Variants in PTPRT observed in about 807,000 individuals in gnomAD.
PTPRT encodes receptor-type tyrosine-protein phosphatase T.
A neutral mutation model predicts 176.8 loss-of-function variants in PTPRT; 56 were observed. That is an observed-to-expected ratio of 0.32 (90% CI 0.26 to 0.40). PTPRT has a LOEUF of 0.40. Among genes scored for constraint, PTPRT ranks in the 10% least tolerant of loss-of-function variants. PTPRT has a pLI of 1.00. For synonymous variants in PTPRT, 783 were observed against 739.0 expected, an observed-to-expected ratio of 1.06 and a Z score of -0.96; for missense variants, 1,540 against 1,908.2, an observed-to-expected ratio of 0.81 and a Z score of 3.60.
intron 16 of PTPRT, among the ~76,000 whole-genome samples, chr20:42,188,307 G>T (rs897142549): frequency 6.6e-6 from 1 of 152,110 alleles, no homozygotes. Flanking sequence ...AGAAATGGCT[G>T]GGGAGGAAGG....
intron 11 of PTPRT, among the ~76,000 whole-genome samples, chr20:42,323,063 C>T (rs369618075): frequency 2.2e-4 from 33 of 151,848 alleles, no homozygotes; most frequent in Non-Finnish European, 3.7e-4. Context: ...CAATGAGATA[C>T]CATCTCACAC....
intron 1 of PTPRT, among the ~76,000 whole-genome samples, chr20:43,033,905 C>T (rs751099112): frequency 6.6e-6 from 1 of 152,190 alleles, no homozygotes; most frequent in Admixed American, 6.5e-5. Flanking sequence ...CTAGAGCTCT[C>T]GCTCCTGACC....
At chr20:43,037,781 T>A (rs1390132632) in intron 1 of PTPRT, among the ~76,000 whole-genome samples, 1 of 152,170 alleles carries the variant, frequency 6.6e-6, no homozygotes, top group Non-Finnish European at 1.5e-5. Flanking sequence ...ATCTCCAGCT[T>A]CCTTGTTCCA....
intron 7 of PTPRT, among the ~76,000 whole-genome samples, chr20:42,669,226 T>G (rs2075372651): frequency 1.3e-5 from 2 of 152,164 alleles, no homozygotes; most frequent in East Asian, 3.9e-4. Flanking sequence ...ATAATCCATC[T>G]TCTGTGACTG....
intron 1 of PTPRT, among the ~76,000 whole-genome samples, chr20:43,070,994 C>T (rs1288414456): frequency 2.0e-5 from 3 of 149,026 alleles, no homozygotes; most frequent in Non-Finnish European, 4.5e-5. Context: ...AAAAGAACTG[C>T]CCTCAACCAA....
At chr20:42,218,848 A>G (rs1428010479) in intron 15 of PTPRT, among the ~76,000 whole-genome samples, 2 of 152,156 alleles carry the variant, frequency 1.3e-5, no homozygotes, top group Non-Finnish European at 2.9e-5. Flanking sequence ...TGATGAACTG[A>G]TCGGGATGTC....
intron 14 of PTPRT, among the ~76,000 whole-genome samples, chr20:42,238,187 C>T (rs187345568): frequency 5.3e-4 from 80 of 152,262 alleles, no homozygotes; most frequent in African/African-American, 1.7e-3. Flanking sequence ...ATGATAGAGG[C>T]GGGACATGAG....
intron 2 of PTPRT, among the ~76,000 whole-genome samples, chr20:42,851,301 A>G (rs2078465155): frequency 6.6e-6 from 1 of 152,294 alleles, no homozygotes; most frequent in Non-Finnish European, 1.5e-5. Context: ...GTATCTAAAG[A>G]TCCATGAAGA....
At chr20:42,094,185 G>A (rs1056658466) in intron 27 of PTPRT, among the ~76,000 whole-genome samples, 4 of 152,188 alleles carry the variant, frequency 2.6e-5, no homozygotes, top group Non-Finnish European at 4.4e-5. Flanking sequence ...AGAAAGGGAT[G>A]TTGAAAAAGA....
chr20:42,270,450 G>A (rs1044332813), intron 13 of PTPRT: 2 of 1,520,466 alleles, frequency 1.3e-6, no homozygotes, highest in Non-Finnish European at 1.8e-6. Flanking sequence ...GCTGCCCATT[G>A]GTGCTGACCA....
chr20:42,483,320 C>T (rs1031331624), intron 7 of PTPRT, among the ~76,000 whole-genome samples: 4 of 152,172 alleles, frequency 2.6e-5, no homozygotes, highest in South Asian at 2.1e-4. Flanking sequence ...CATGCCACCA[C>T]GCTCGACTAA....
At chr20:42,925,328 A>ATT (rs1161809233) in intron 1 of PTPRT, among the ~76,000 whole-genome samples, 1 of 152,182 alleles carries the variant, frequency 6.6e-6, no homozygotes, top group Non-Finnish European at 1.5e-5. Context: ...ATGAGGCTAA[A>ATT]AACAAAATTA....
intron 27 of PTPRT, among the ~76,000 whole-genome samples, chr20:42,097,041 C>A (rs146740079): frequency 6.6e-6 from 1 of 152,326 alleles, no homozygotes; most frequent in Non-Finnish European, 1.5e-5. Flanking sequence ...AATGAGACAG[C>A]AGTGTGGGTG....
intron 7 of PTPRT, among the ~76,000 whole-genome samples, chr20:42,587,334 G>A (rs2073489490): frequency 6.6e-6 from 1 of 152,236 alleles, no homozygotes; most frequent in Non-Finnish European, 1.5e-5. Context: ...ACATTGCCCA[G>A]CATGGGGTCT....
intron 1 of PTPRT, among the ~76,000 whole-genome samples, chr20:42,929,875 A>C (rs1032581098): frequency 1.3e-5 from 2 of 152,228 alleles, no homozygotes; most frequent in African/African-American, 4.8e-5. Context: ...GTGTTAGCAA[A>C]CAATTTATTA....
At chr20:42,513,273 C>T (rs983383144) in intron 7 of PTPRT, among the ~76,000 whole-genome samples, 9 of 151,514 alleles carry the variant, frequency 5.9e-5, no homozygotes, top group African/African-American at 2.2e-4. Context: ...CCAATTACCC[C>T]CCTAGCTTCC....
rs562361034 is a variant in PTPRT at position 42,754,194 on chromosome 20, T to A, written c.859+2268A>T. 6.0e-3 allele frequency among the ~76,000 whole-genome samples: 811 copies of A among 135,852 alleles called. 7 individuals are homozygous for A. The highest frequency in any genetic ancestry group is 0.019 in the African/African-American group (749 of 39,178). 89.1% of individuals were successfully genotyped at this position (135,852 alleles called of 152,430 possible). A position where few individuals can be genotyped will look rare whatever the true frequency, so the allele number is the denominator to read the frequency against. ...AATAATAATAAATCTTCAAAAAAAATTTTTTTTTTGAGATGGAGTCTCGCT... is the reference window on the plus strand; with the variant it reads ...AATAATAATAAATCTTCAAAAAAAAATTTTTTTTTGAGATGGAGTCTCGCT... On this transcript the variant is annotated intron_variant, in intron 6 of 30. Coordinates refer to ENST00000373187, the MANE Select transcript of PTPRT (RefSeq NM_007050.6).
At chr20:42,950,219 C>T (rs1008067395) in intron 1 of PTPRT, among the ~76,000 whole-genome samples, 3 of 152,202 alleles carry the variant, frequency 2.0e-5, no homozygotes, top group Non-Finnish European at 4.4e-5. Context: ...AAACTGAACT[C>T]CCCACGCCTT....
intron 17 of PTPRT, among the ~76,000 whole-genome samples, chr20:42,156,436 C>T (rs969081256): frequency 2.0e-5 from 3 of 152,222 alleles, no homozygotes; most frequent in Admixed American, 2.0e-4. Flanking sequence ...TGCTTGGTGA[C>T]CTCACCCAGT....
Sources: gnomAD v4.1 joint callset for allele counts (sites outside exome capture counted in the v4.1 genomes callset) on GRCh38, gnomAD v4.1.1 for gene constraint, MANE v1.5 for transcripts, NCBI Gene and HGNC (gene_info 2026-07-23, HGNC 2026-07-21) for gene names.